The following ATP6V1C1 variants were observed in gnomAD, a reference collection of about 807,000 sequenced individuals.
The protein encoded by ATP6V1C1 is V-type proton ATPase subunit C 1.
ATP6V1C1 carries 45 observed loss-of-function variants against 53.9 expected under a neutral mutation model. The ratio of observed to expected loss-of-function variants is 0.83; its 90% CI spans 0.66 to 1.07. The LOEUF is 1.07. ATP6V1C1 is among the 50% of genes least tolerant of loss of function. The probability of loss-of-function intolerance (pLI) is 0.00; values close to 1 mark genes in which losing one functional copy is unlikely to be tolerated. For missense variants in ATP6V1C1, 315 were observed against 440.3 expected, an observed-to-expected ratio of 0.72 and a Z score of 2.55; for synonymous variants, 153 against 155.2, an observed-to-expected ratio of 0.99 and a Z score of 0.11.
intron 3 of ATP6V1C1, among the ~76,000 whole-genome samples, chr8:103,044,790 A>G (rs748780358): frequency 2.0e-5 from 3 of 151,654 alleles, no homozygotes; most frequent in Non-Finnish European, 2.9e-5. Context: ...TGATGAGGAT[A>G]GTGTTGAATC....
At chr8:103,026,243 C>T (rs1223747487) in intron 1 of ATP6V1C1, among the ~76,000 whole-genome samples, 1 of 152,222 alleles carries the variant, frequency 6.6e-6, no homozygotes, top group African/African-American at 2.4e-5. Context: ...TATTACATCC[C>T]CAGCCCCCAC....
chr8:103,042,145 C>T (rs1472904510), intron 2 of ATP6V1C1, among the ~76,000 whole-genome samples, 195 bp from the exon 3 acceptor site: 1 of 152,098 alleles, frequency 6.6e-6, no homozygotes, highest in Non-Finnish European at 1.5e-5. Flanking sequence ...TGCTTATAAC[C>T]ATGAATTAAA....
chr8:103,056,658 A>G, intron 8 of ATP6V1C1, among the ~76,000 whole-genome samples: 1 of 152,178 alleles, frequency 6.6e-6, no homozygotes, highest in Non-Finnish European at 1.5e-5. Context: ...CAGGTCCTGT[A>G]CCCTTTTAAC....
intron 1 of ATP6V1C1, among the ~76,000 whole-genome samples, chr8:103,023,455 C>T (rs774649718): frequency 1.3e-5 from 2 of 152,040 alleles, no homozygotes; most frequent in Admixed American, 6.6e-5. Context: ...TTAGAGGGTT[C>T]AGGACTTGGG....
chr8:103,027,719 G>A (rs987684630), intron 1 of ATP6V1C1, among the ~76,000 whole-genome samples: 5 of 147,794 alleles, frequency 3.4e-5, no homozygotes, highest in African/African-American at 1.0e-4. Flanking sequence ...TTTTTAAGCA[G>A]CACACTTATT....
At chr8:103,046,930 A>G (rs911186544) in intron 3 of ATP6V1C1, among the ~76,000 whole-genome samples, 8 of 152,098 alleles carry the variant, frequency 5.3e-5, no homozygotes, top group Non-Finnish European at 1.2e-4. Context: ...TATAAATTTG[A>G]CACCAGGTGA....
intron 8 of ATP6V1C1, among the ~76,000 whole-genome samples, chr8:103,056,609 A>G (rs1448834624): frequency 6.6e-6 from 1 of 152,222 alleles, no homozygotes; most frequent in Admixed American, 6.5e-5. Flanking sequence ...TAAAGTGTCC[A>G]ATGGCAGAGT....
rs116548713 is a variant in ATP6V1C1 at position 103,060,844 on chromosome 8, C to A, written c.642-2111C>A. Among the ~76,000 whole-genome samples, 726 of 152,252 alleles carry A rather than the reference C, an allele frequency of 4.8e-3. 3 individuals carry two copies. The highest frequency in any genetic ancestry group is 0.016 in the African/African-American group (666 of 41,550). ...CATAGGAATTTGCTGTGTCCCAGAT[C>A]TCTGCACAATAGCTAGGAACCTGCT... On this transcript the variant is annotated intron_variant, in intron 8 of 12. Transcript: ENST00000518738.
rs115663855 is a variant in ATP6V1C1, at chr8:103,021,647, G to A, written c.-40+422G>A. Among the ~76,000 whole-genome samples the A allele has an allele frequency of 2.8e-3, 420 of 151,520 alleles. 6 individuals are homozygous for A. The highest frequency in any genetic ancestry group is 9.8e-3 in the African/African-American group (406 of 41,276). ...TGTGTTGGGGGGGGCGCGGGTGTCGGGGGTCGGGGGTGGTGGGATGACAGT... is the reference window on the plus strand; with the variant it reads ...TGTGTTGGGGGGGGCGCGGGTGTCGAGGGTCGGGGGTGGTGGGATGACAGT... On this transcript the variant is annotated intron_variant, in intron 1 of 12. Coordinates refer to ENST00000518738, the MANE Select transcript of ATP6V1C1 (RefSeq NM_001695.5).
intron 4 of ATP6V1C1, among the ~76,000 whole-genome samples, chr8:103,049,271 G>T (rs1410365680): frequency 6.6e-6 from 1 of 152,170 alleles, no homozygotes; most frequent in African/African-American, 2.4e-5. Flanking sequence ...TCATTTACAA[G>T]TAAGTTTCCA....
chr8:103,041,040 A>T, intron 2 of ATP6V1C1, 72 bp downstream of exon 2: 1 of 1,499,618 alleles, frequency 6.7e-7, no homozygotes, highest in South Asian at 1.3e-5. Context: ...CTTTTAGTGG[A>T]AATGAGATAC....
chr8:103,067,274 C>T (rs952469281), intron 12 of ATP6V1C1, among the ~76,000 whole-genome samples: 1 of 151,612 alleles, frequency 6.6e-6, no homozygotes, highest in Non-Finnish European at 1.5e-5. Context: ...CAGCGGTCAC[C>T]TATAATCCCA....
chr8:103,066,568 G>C, intron 12 of ATP6V1C1, 121 bp downstream of exon 12: 2 of 1,110,860 alleles, frequency 1.8e-6, no homozygotes, highest in Non-Finnish European at 2.4e-6. Context: ...TTATTACTTT[G>C]AGGTTCTCAA....
intron 12 of ATP6V1C1, among the ~76,000 whole-genome samples, chr8:103,067,775 C>T (rs900110696): frequency 4.6e-5 from 7 of 151,504 alleles, no homozygotes; most frequent in Admixed American, 3.3e-4. Flanking sequence ...AGTAGAGCTG[C>T]GGTTTCACCA....
intron 2 of ATP6V1C1, 122 bp downstream of exon 2, chr8:103,041,090 G>A: frequency 8.6e-7 from 1 of 1,158,312 alleles, no homozygotes; most frequent in East Asian, 2.7e-5. Context: ...CCAGCCATTG[G>A]CATGATTTAA....
At position 103,071,127 on chromosome 8, in the gene ATP6V1C1, T is replaced by C. The variant is rs1817579852; in HGVS notation, c.*2380T>C. On this transcript the variant is annotated 3_prime_UTR_variant, in exon 13 of 13. Coordinates refer to ENST00000518738, the MANE Select transcript of ATP6V1C1 (RefSeq NM_001695.5). The stretch of plus-strand genomic sequence containing the variant: ...ATAACAACAGAGCAGTTTGTGTCAC[T>C]GAGCTCCAGTCTGTGCTGGATTATT... The C allele has an allele frequency of 6.6e-6, 1 of 152,352 alleles. No individual in the cohort carries two copies. Among genetic ancestry groups the C allele is most frequent in the Admixed American group, 6.5e-5 (1 of 15,312 alleles). 9.4% of individuals were successfully genotyped at this position (152,352 alleles called of 1,614,324 possible).
intron 1 of ATP6V1C1, among the ~76,000 whole-genome samples, chr8:103,040,305 T>C (rs998895822): frequency 6.6e-6 from 1 of 151,824 alleles, no homozygotes; most frequent in African/African-American, 2.4e-5. Context: ...TCCCAGCTAC[T>C]CAGGAGGCTG....
At chr8:103,043,558 C>A (rs1394175505) in intron 3 of ATP6V1C1, among the ~76,000 whole-genome samples, 1 of 151,950 alleles carries the variant, frequency 6.6e-6, no homozygotes, top group African/African-American at 2.4e-5. Flanking sequence ...ATCTCAAACC[C>A]CTGACCTCGT....
chr8:103,055,852 T>C lies in ATP6V1C1; in HGVS notation c.573-16T>C, dbSNP rs1243358539. The C allele has an allele frequency of 6.2e-7, 1 of 1,609,764 alleles. No individual in the cohort carries two copies. The highest frequency in any genetic ancestry group is 1.3e-5 in the African/African-American group (1 of 74,762). ...CTTGTTTTTCTTTTCCAATGTGTATTGTACCTTTTCTGCAGGTTAAACCAC... is the reference window on the plus strand; with the variant it reads ...CTTGTTTTTCTTTTCCAATGTGTATCGTACCTTTTCTGCAGGTTAAACCAC... On this transcript the variant is annotated splice_polypyrimidine_tract_variant and intron_variant, in intron 7 of 12. Coordinates refer to ENST00000518738, the MANE Select transcript of ATP6V1C1 (RefSeq NM_001695.5).
Sources: allele counts gnomAD v4.1 joint callset (sites outside exome capture counted in the v4.1 genomes callset), GRCh38; gene constraint gnomAD v4.1.1; transcripts MANE v1.5; gene names NCBI Gene and HGNC (gene_info 2026-07-23, HGNC 2026-07-21).